The following DCC variants were observed in gnomAD, a reference collection of about 807,000 sequenced individuals.
The protein encoded by DCC is DCC netrin 1 receptor.
Under a neutral mutation model 172.5 loss-of-function variants are expected in DCC, and 58 were observed. That is an observed-to-expected ratio of 0.34 (90% CI 0.27 to 0.42). DCC has a LOEUF of 0.42. DCC is among the 10% of genes least tolerant of loss of function. The pLI is 1.00. For missense variants in DCC, 1,740 were observed against 1,791.0 expected (o/e 0.97, Z 0.51); for synonymous variants, 709 against 644.5 (o/e 1.10, Z -1.52).
At chr18:53,219,962 C>A (rs2055906550) in intron 12 of DCC, among the ~76,000 whole-genome samples, 1 of 151,114 alleles carries the variant, frequency 6.6e-6, no homozygotes, top group Admixed American at 6.6e-5. Context: ...GAAGGACATG[C>A]TTTTGAGGAT....
intron 2 of DCC, among the ~76,000 whole-genome samples, chr18:52,870,137 G>C (rs1377632793): frequency 6.6e-6 from 1 of 152,194 alleles, no homozygotes. Flanking sequence ...ACTGGCTCCG[G>C]GGAGTGCTGC....
At chr18:53,312,931 GA>G (rs2057293806) in intron 13 of DCC, among the ~76,000 whole-genome samples, 1 of 121,792 alleles carries the variant, frequency 8.2e-6, no homozygotes, top group Non-Finnish European at 1.8e-5. Flanking sequence ...GGAGGGGAGG[GA>G]AGGGAAAGGG....
intron 13 of DCC, among the ~76,000 whole-genome samples, chr18:53,308,105 C>T (rs2057224715): frequency 6.6e-6 from 1 of 151,102 alleles, no homozygotes; most frequent in Non-Finnish European, 1.5e-5. Context: ...TGCATATTGT[C>T]ATATTATTTT....
intron 2 of DCC, among the ~76,000 whole-genome samples, chr18:52,838,229 C>T (rs1455814136): frequency 6.6e-6 from 1 of 152,076 alleles, no homozygotes; most frequent in Non-Finnish European, 1.5e-5. Flanking sequence ...TTATTTGAGG[C>T]TTTAGAGGGG....
intron 5 of DCC, among the ~76,000 whole-genome samples, chr18:52,994,473 T>C (rs1349993691): frequency 6.6e-6 from 1 of 152,174 alleles, no homozygotes; most frequent in Non-Finnish European, 1.5e-5. Flanking sequence ...ACCAGGCTTA[T>C]ATTTTATGCT....
chr18:52,912,508 C>T (rs1184757242), intron 3 of DCC, among the ~76,000 whole-genome samples: 3 of 151,986 alleles, frequency 2.0e-5, no homozygotes, highest in Non-Finnish European at 4.4e-5. Flanking sequence ...TTTATTTTCA[C>T]ATCTAAGAGA....
intron 16 of DCC, among the ~76,000 whole-genome samples, chr18:53,390,628 A>G (rs1382317063): frequency 1.3e-5 from 2 of 152,348 alleles, no homozygotes; most frequent in East Asian, 3.9e-4. Context: ...TACAAAATCA[A>G]ATGCTCAAAG....
At chr18:52,760,250 G>A (rs1048262211) in intron 2 of DCC, among the ~76,000 whole-genome samples, 1 of 152,104 alleles carries the variant, frequency 6.6e-6, no homozygotes, top group Non-Finnish European at 1.5e-5. Context: ...GTGAAGTGGG[G>A]GAAAGCCACT....
intron 1 of DCC, among the ~76,000 whole-genome samples, chr18:52,588,117 C>A (rs961900102): frequency 1.3e-5 from 2 of 152,132 alleles, no homozygotes; most frequent in East Asian, 3.9e-4. Flanking sequence ...CCACCAAAGT[C>A]CAGTAACAGG....
chr18:53,206,639 A>G (rs1270957920), intron 10 of DCC, among the ~76,000 whole-genome samples: 1 of 146,002 alleles, frequency 6.8e-6, no homozygotes, highest in African/African-American at 2.5e-5. Flanking sequence ...ATATGTATAC[A>G]TATATATAAT....
intron 7 of DCC, among the ~76,000 whole-genome samples, chr18:53,114,151 A>G (rs921634860): frequency 6.6e-6 from 1 of 151,554 alleles, no homozygotes; most frequent in Admixed American, 6.6e-5. Flanking sequence ...ATGTTTATGT[A>G]AATGACATCC....
rs142386312 is a variant in DCC at position 53,039,033 on chromosome 18, C to T, written c.986-24272C>T. ...AAATATCTTGGAGAAATGTTGAGGT[C>T]GCCAAACCCAGGGAGCTTTTTAACT... On this transcript the variant is annotated intron_variant, in intron 5 of 28. Transcript: ENST00000442544. Among the ~76,000 whole-genome samples, 211 of 152,084 alleles carry T rather than the reference C, an allele frequency of 1.4e-3. 1 individual carries two copies. Among genetic ancestry groups the T allele is most frequent in the African/African-American group, 4.9e-3 (204 of 41,556 alleles).
At chr18:53,407,986 G>C (rs539881710) in intron 19 of DCC, among the ~76,000 whole-genome samples, 1 of 152,100 alleles carries the variant, frequency 6.6e-6, no homozygotes, top group African/African-American at 2.4e-5. Context: ...ACTTTTTAAG[G>C]TTTGTGGAAT....
intron 5 of DCC, among the ~76,000 whole-genome samples, chr18:53,047,428 C>CATATATATATATAT (rs58797605): frequency 1.0e-4 from 5 of 50,050 alleles, no homozygotes; most frequent in Admixed American, 2.4e-4. Flanking sequence ...ATATATTTTA[C>CATATATATATATAT]ATATATATAT....
Position 53,523,640 on chromosome 18 carries a change from C to T in DCC, c.4112-2977C>T, listed in dbSNP as rs867769250. Among the ~76,000 whole-genome samples, 9 of 152,224 alleles carry T rather than the reference C, an allele frequency of 5.9e-5. 1 individual carries two copies. In the Middle Eastern group the frequency reaches 0.017, roughly 288 times the overall value. On this transcript the variant is annotated intron_variant, in intron 27 of 28. Coordinates refer to ENST00000442544, the MANE Select transcript of DCC (RefSeq NM_005215.4). ...GGATGAGACTGGAAACCATCATTCT[C>T]AGCAAACTAACACAAGAACAGAAAA...
chr18:53,113,715 T>C (rs1479126693), intron 7 of DCC, among the ~76,000 whole-genome samples: 1 of 17,952 alleles, frequency 5.6e-5, no homozygotes, highest in East Asian at 5.8e-4. Flanking sequence ...AAAACCTGCT[T>C]TTTTTTTTAA....
At chr18:52,439,749 T>G (rs950050289) in intron 1 of DCC, among the ~76,000 whole-genome samples, 2 of 152,224 alleles carry the variant, frequency 1.3e-5, no homozygotes, top group African/African-American at 2.4e-5. Context: ...AATAAATATT[T>G]ACCTAGTGAA....
chr18:52,859,448 A>G (rs2039102103), intron 2 of DCC, among the ~76,000 whole-genome samples: 1 of 152,338 alleles, frequency 6.6e-6, no homozygotes, highest in Admixed American at 6.5e-5. Flanking sequence ...AGAAGCTCGT[A>G]TACAATCTTG....
At chr18:52,350,198 T>C (rs1218870890) in intron 1 of DCC, among the ~76,000 whole-genome samples, 1 of 152,214 alleles carries the variant, frequency 6.6e-6, no homozygotes, top group East Asian at 1.9e-4. Context: ...TGCAGGGGCT[T>C]TTCCTCCAGT....
Sources: allele counts gnomAD v4.1 joint callset (sites outside exome capture counted in the v4.1 genomes callset), GRCh38; gene constraint gnomAD v4.1.1; transcripts MANE v1.5; gene names NCBI Gene and HGNC (gene_info 2026-07-23, HGNC 2026-07-21).